Variants in OR2A5 observed in about 807,000 individuals in gnomAD.
The protein encoded by OR2A5 is olfactory receptor family 2 subfamily A member 5, also known as olfactory receptor 2A5.
In OR2A5, 2 loss-of-function variants were observed where a neutral mutation model predicts 1.9. The observed-to-expected ratio is 1.04, with a 90% CI of 0.43 to 3.28. The LOEUF is 3.28. Ranked by LOEUF, OR2A5 falls within the 30% of genes most tolerant of loss-of-function variation. OR2A5 has a pLI of 0.08. For missense variants in OR2A5, 391 were observed against 375.9 expected (o/e 1.04, Z -0.33); for synonymous variants, 160 against 154.5 (o/e 1.04, Z -0.26).
Position 144,055,195 on chromosome 7 carries a change from G to A in OR2A5, c.*3858G>A, listed in dbSNP as rs1425331574. On this transcript the variant is annotated 3_prime_UTR_variant, in exon 2 of 2. Coordinates refer to ENST00000641693, the MANE Select transcript of OR2A5 (RefSeq NM_012365.2). ...TGTTTATTGCCTTCCACAAAGTGGGGAAAAATACCCTAGAATCAAAAAGTA... is the reference window on the plus strand; with the variant it reads ...TGTTTATTGCCTTCCACAAAGTGGGAAAAAATACCCTAGAATCAAAAAGTA... The A allele has an allele frequency of 6.6e-6, 1 of 151,996 alleles. No individual in the cohort carries two copies. The highest frequency in any genetic ancestry group is 2.4e-5 in the African/African-American group (1 of 41,386). 9.4% of individuals were successfully genotyped at this position (151,996 alleles called of 1,614,324 possible).
At position 144,056,112 on chromosome 7, in the gene OR2A5, C is replaced by T. The variant is rs1239299790; in HGVS notation, c.*4775C>T. 6.6e-6 allele frequency: 1 copy of T among 152,146 alleles called. No homozygotes were observed. Among genetic ancestry groups the T allele is most frequent in the South Asian group, 2.1e-4 (1 of 4,818 alleles). 9.4% of individuals were successfully genotyped at this position (152,146 alleles called of 1,614,324 possible). A position where few individuals can be genotyped will look rare whatever the true frequency, so the allele number is the denominator to read the frequency against. On this transcript the variant is annotated 3_prime_UTR_variant, in exon 2 of 2. Transcript: ENST00000641693. ...TGGCCTGAGTGGAGATAGCTTTGCTCTTAGGAACTAAATATATTAAAGTTC... is the reference window on the plus strand; with the variant it reads ...TGGCCTGAGTGGAGATAGCTTTGCTTTTAGGAACTAAATATATTAAAGTTC...
rs1407866821 is a variant in OR2A5 at position 144,055,204 on chromosome 7, C to T, written c.*3867C>T. The stretch of plus-strand genomic sequence containing the variant: ...CCTTCCACAAAGTGGGGAAAAATAC[C>T]CTAGAATCAAAAAGTAGGTTTACAT... On this transcript the variant is annotated 3_prime_UTR_variant, in exon 2 of 2. Transcript: ENST00000641693. 4 of 151,496 alleles carry T rather than the reference C, an allele frequency of 2.6e-5. No homozygotes were observed. Among genetic ancestry groups the T allele is most frequent in the African/African-American group, 9.7e-5 (4 of 41,216 alleles). The allele number at this position is 151,496 out of a possible 1,614,324, so 9.4% of individuals were successfully genotyped here.
chr7:144,055,533 C>A lies in OR2A5; in HGVS notation c.*4196C>A, dbSNP rs140439518. The A allele has an allele frequency of 4.5e-4, 69 of 152,180 alleles. No homozygotes were observed. Among genetic ancestry groups the A allele is most frequent in the East Asian group, 1.5e-3 (8 of 5,184 alleles). The allele number at this position is 152,180 out of a possible 1,614,324, so 9.4% of individuals were successfully genotyped here. Reference sequence around the variant, plus strand: ...TGGTAATTCTAAGATAATCTTTTTTCTGTCAAAATCCCGTCTTGTTCTTCC... The same window carrying A: ...TGGTAATTCTAAGATAATCTTTTTTATGTCAAAATCCCGTCTTGTTCTTCC... On this transcript the variant is annotated 3_prime_UTR_variant, in exon 2 of 2. Coordinates refer to ENST00000641693, the MANE Select transcript of OR2A5 (RefSeq NM_012365.2).
Position 144,057,290 on chromosome 7 carries a change from C to G in OR2A5, c.*5953C>G, listed in dbSNP as rs2050948460. Reference sequence around the variant, plus strand: ...TAGAATCTAGACTCAGATATAATATCTATTTATTTTATAAGGACGTAAAAA... The same window carrying G: ...TAGAATCTAGACTCAGATATAATATGTATTTATTTTATAAGGACGTAAAAA... On this transcript the variant is annotated 3_prime_UTR_variant, in exon 2 of 2. Coordinates refer to ENST00000641693, the MANE Select transcript of OR2A5 (RefSeq NM_012365.2). 1 of 152,044 alleles carries G rather than the reference C, an allele frequency of 6.6e-6. No individual in the cohort carries two copies. The highest frequency in any genetic ancestry group is 2.4e-5 in the African/African-American group (1 of 41,400). 9.4% of individuals were successfully genotyped at this position (152,044 alleles called of 1,614,324 possible). A position where few individuals can be genotyped will look rare whatever the true frequency, so the allele number is the denominator to read the frequency against.
In OR2A5 at chr7:144,055,520, G is replaced by A. The variant is rs1473859516; in HGVS notation, c.*4183G>A. ...AAAGATTTTTAAATGGTAATTCTAA[G>A]ATAATCTTTTTTCTGTCAAAATCCC... On this transcript the variant is annotated 3_prime_UTR_variant, in exon 2 of 2. Transcript: ENST00000641693. The A allele has an allele frequency of 6.6e-6, 1 of 152,112 alleles. No homozygotes were observed. The highest frequency in any genetic ancestry group is 1.9e-4 in the East Asian group (1 of 5,194). The allele number at this position is 152,112 out of a possible 1,614,324, so 9.4% of individuals were successfully genotyped here.
chr7:144,058,180 G>C lies in OR2A5; in HGVS notation c.*6843G>C, dbSNP rs955138443. On this transcript the variant is annotated 3_prime_UTR_variant, in exon 2 of 2. Transcript: ENST00000641693. ...CACTGGTCAGCTCAGCGGCTATCCC[G>C]ACCTGCTGCCTGACTCCCATAATCT... 1 of 152,142 alleles carries C rather than the reference G, an allele frequency of 6.6e-6. No individual in the cohort carries two copies. Among genetic ancestry groups the C allele is most frequent in the African/African-American group, 2.4e-5 (1 of 41,412 alleles). The allele number at this position is 152,142 out of a possible 1,614,324, so 9.4% of individuals were successfully genotyped here.
At position 144,053,204 on chromosome 7, in the gene OR2A5, T is replaced by C. The variant is rs2050917525; in HGVS notation, c.*1867T>C. On this transcript the variant is annotated 3_prime_UTR_variant, in exon 2 of 2. Transcript: ENST00000641693. ...ATAGATAAATTATAAAGAAATGTTC[T>C]CTAGCAGGTCTTAATAGTGGCTCTA... is the stretch of plus-strand genomic sequence containing the variant. 1 of 151,998 alleles carries C rather than the reference T, an allele frequency of 6.6e-6. No homozygotes were observed. The highest frequency in any genetic ancestry group is 1.5e-5 in the Non-Finnish European group (1 of 68,004). The allele number at this position is 151,998 out of a possible 1,614,324, so 9.4% of individuals were successfully genotyped here.
At chr7:144,050,152 G>A (rs2050889504) in intron 1 of OR2A5, among the ~76,000 whole-genome samples, 199 bp from the exon 2 acceptor site, 1 of 152,116 alleles carries the variant, frequency 6.6e-6, no homozygotes, top group Non-Finnish European at 1.5e-5. Context: ...AAAATTCTGT[G>A]GGACTGGATA....
Position 144,056,839 on chromosome 7 carries a change from G to A in OR2A5, c.*5502G>A, listed in dbSNP as rs1202776383. ...TTTTTTTTTTTTTTTTTTTGAGACG[G>A]AGTCTCGCTCTGTCGCCCAGGCTGG... On this transcript the variant is annotated 3_prime_UTR_variant, in exon 2 of 2. Coordinates refer to ENST00000641693, the MANE Select transcript of OR2A5 (RefSeq NM_012365.2). 3 of 125,138 alleles carry A rather than the reference G, an allele frequency of 2.4e-5. No individual in the cohort carries two copies. The Admixed American group carries it at 2.9e-4, about 12-fold the overall frequency. 7.8% of individuals were successfully genotyped at this position (125,138 alleles called of 1,614,324 possible).
Position 144,050,928 on chromosome 7 carries a change from A to T in OR2A5, c.527A>T (p.His176Leu). ...LPFCGPHEIN[H>L]FFCEILSVLK... ...TTCTGTGGGCCCCATGAAATCAACCACTTCTTCTGTGAAATCCTGTCTGTC... is the reference window on the plus strand; with the variant it reads ...TTCTGTGGGCCCCATGAAATCAACCTCTTCTTCTGTGAAATCCTGTCTGTC... The change falls in exon 2 of 2, where the codon CAC (histidine) becomes CTC (leucine). Residue 176 changes from histidine (H) to leucine (L), a missense_variant. Physicochemically the swap from His to Leu is moderately conservative, Grantham distance 99. Transcript: ENST00000641693. 1.2e-6 allele frequency: 2 copies of T among 1,613,976 alleles called. No homozygotes were observed. The highest frequency in any genetic ancestry group is 2.2e-5 in the South Asian group (2 of 91,072).
At position 144,057,537 on chromosome 7, in the gene OR2A5, T is replaced by G. The variant is rs2050949693; in HGVS notation, c.*6200T>G. On this transcript the variant is annotated 3_prime_UTR_variant, in exon 2 of 2. Coordinates refer to ENST00000641693, the MANE Select transcript of OR2A5 (RefSeq NM_012365.2). The stretch of plus-strand genomic sequence containing the variant: ...ATAGCTACAAAAGAATAACAAATAA[T>G]AGTGGACTTCCCCTCAGCAAAACAG... 1 of 152,076 alleles carries G rather than the reference T, an allele frequency of 6.6e-6. No homozygotes were observed. Among genetic ancestry groups the G allele is most frequent in the South Asian group, 2.1e-4 (1 of 4,828 alleles). 9.4% of individuals were successfully genotyped at this position (152,076 alleles called of 1,614,324 possible).
rs1178423863 is a variant in OR2A5 at position 144,050,892 on chromosome 7, T to G, written c.491T>G (p.Leu164Arg). 1 of 1,614,114 alleles carries G rather than the reference T, an allele frequency of 6.2e-7. No individual in the cohort carries two copies. The highest frequency in any genetic ancestry group is 1.3e-5 in the African/African-American group (1 of 74,948). Residue 164 changes from leucine to arginine, a missense_variant, in exon 2 of 2, where the codon CTG (leucine) becomes CGG (arginine). Physicochemically the swap from Leu to Arg is moderately radical, Grantham distance 102. Coordinates refer to ENST00000641693, the MANE Select transcript of OR2A5 (RefSeq NM_012365.2). ...LLALVHVVLILRLPFCGPHEI... is the reference protein window; with the variant it reads ...LLALVHVVLIRRLPFCGPHEI... Reference sequence around the variant, plus strand: ...GCCCTGGTCCATGTGGTTCTCATCCTGAGGCTGCCCTTCTGTGGGCCCCAT... The same window carrying G: ...GCCCTGGTCCATGTGGTTCTCATCCGGAGGCTGCCCTTCTGTGGGCCCCAT...
Position 144,051,038 on chromosome 7 carries a change from C to G in OR2A5, c.637C>G (p.Leu213Val), listed in dbSNP as rs1468230665. Residue 213 changes from leucine (L) to valine (V), a missense_variant, in exon 2 of 2, where the codon CTG becomes GTG. Physicochemically the swap from Leu to Val is conservative, Grantham distance 32. Coordinates refer to ENST00000641693, the MANE Select transcript of OR2A5 (RefSeq NM_012365.2). Reference protein sequence around the residue: ...SVFILVGPLCLVLVSYSRILA... With the variant: ...SVFILVGPLCVVLVSYSRILA... ...GTTCATCCTGGTGGGGCCGCTCTGC[C>G]TGGTGCTGGTCTCCTACTCGCGCAT... 2 of 1,614,092 alleles carry G rather than the reference C, an allele frequency of 1.2e-6. No homozygotes were observed. The highest frequency in any genetic ancestry group is 2.7e-5 in the African/African-American group (2 of 74,942).
rs1013083253 is a variant in OR2A5, at chr7:144,056,157, C to G, written c.*4820C>G. ...AAGTTCTTCATGCAATAATGGGGAA[C>G]TGAGGCTTAGCACCTTCCTTGAAAA... On this transcript the variant is annotated 3_prime_UTR_variant, in exon 2 of 2. Coordinates refer to ENST00000641693, the MANE Select transcript of OR2A5 (RefSeq NM_012365.2). 2 of 152,186 alleles carry G rather than the reference C, an allele frequency of 1.3e-5. No homozygotes were observed. The highest frequency in any genetic ancestry group is 2.9e-5 in the Non-Finnish European group (2 of 68,040). The allele number at this position is 152,186 out of a possible 1,614,324, so 9.4% of individuals were successfully genotyped here.
Position 144,050,954 on chromosome 7 carries a change from C to G in OR2A5, c.553C>G (p.Leu185Val). ...CTTCTTCTGTGAAATCCTGTCTGTC[C>G]TCAAGTTGGCCTGTGCTGACACCTG... ...NHFFCEILSV[L>V]KLACADTWLN... Residue 185 changes from leucine (L) to valine (V), a missense_variant, in exon 2 of 2, where the codon CTC becomes GTC. By Grantham distance (32) the Leu-to-Val change is conservative. Transcript: ENST00000641693. The G allele has an allele frequency of 6.2e-7, 1 of 1,614,206 alleles. No individual in the cohort carries two copies. The highest frequency in any genetic ancestry group is 1.7e-4 in the Middle Eastern group (1 of 6,060).
intron 1 of OR2A5, among the ~76,000 whole-genome samples, chr7:144,049,869 C>T (rs2050887712): frequency 1.3e-5 from 2 of 152,246 alleles, no homozygotes; most frequent in South Asian, 4.1e-4. Flanking sequence ...AACCTCATTT[C>T]CTAATTCATG....
intron 1 of OR2A5, among the ~76,000 whole-genome samples, chr7:144,050,094 G>A (rs1415151738): frequency 6.6e-6 from 1 of 152,144 alleles, no homozygotes; most frequent in Non-Finnish European, 1.5e-5. Context: ...TTACTCTGTG[G>A]CTGCCCTTCT....
chr7:144,049,886 C>T (rs113646664), intron 1 of OR2A5, among the ~76,000 whole-genome samples: 319 of 152,326 alleles, frequency 2.1e-3, no homozygotes, highest in Non-Finnish European at 3.7e-3. Flanking sequence ...CATGCTTTTA[C>T]GTATTTTCTC....
Position 144,058,018 on chromosome 7 carries a change from C to T in OR2A5, c.*6681C>T, listed in dbSNP as rs1474390496. The T allele has an allele frequency of 1.3e-5, 2 of 152,064 alleles. No individual in the cohort carries two copies. Among genetic ancestry groups the T allele is most frequent in the African/African-American group, 2.4e-5 (1 of 41,398 alleles). The allele number at this position is 152,064 out of a possible 1,614,324, so 9.4% of individuals were successfully genotyped here. On this transcript the variant is annotated 3_prime_UTR_variant, in exon 2 of 2. Transcript: ENST00000641693. The stretch of plus-strand genomic sequence containing the variant: ...GTGTGTTAAAAATTCAAAAGTAGAT[C>T]ACATTTGCCATCTTTGAGCCCCCCA...
Sources: gnomAD v4.1 joint callset for allele counts (sites outside exome capture counted in the v4.1 genomes callset) on GRCh38, gnomAD v4.1.1 for gene constraint, MANE v1.5 for transcripts, NCBI Gene and HGNC (gene_info 2026-07-23, HGNC 2026-07-21) for gene names.